Variants in SPRY3 observed in about 807,000 individuals in gnomAD.
The protein encoded by SPRY3 is protein sprouty homolog 3.
Under a neutral mutation model 20.2 loss-of-function variants are expected in SPRY3, and 15 were observed. That is an observed-to-expected ratio of 0.74 (90% confidence interval 0.50 to 1.14). SPRY3 has a LOEUF of 1.14. Among genes scored for constraint, SPRY3 ranks in the 50% most tolerant of loss-of-function variants. The pLI is 0.00. For synonymous variants in SPRY3, 143 were observed against 136.5 expected (o/e 1.05, Z -0.33); for missense variants, 364 against 363.9 (o/e 1.00, Z 0.00).
At chrX:155,756,207 C>G (rs1049780081) in intron 2 of SPRY3, among the ~76,000 whole-genome samples, 1 of 152,064 alleles carries the variant, frequency 6.6e-6, no homozygotes, top group Non-Finnish European at 1.5e-5. Flanking sequence ...ATATCAGCTA[C>G]CTCAGAGTTT....
At chrX:155,704,160 C>A in intron 2 of SPRY3, among the ~76,000 whole-genome samples, 1 of 151,638 alleles carries the variant, frequency 6.6e-6, no homozygotes, top group East Asian at 1.9e-4. Flanking sequence ...CCCAAAGATA[C>A]AAGAAATATT....
intron 2 of SPRY3, among the ~76,000 whole-genome samples, chrX:155,745,114 T>C (rs1181513807): frequency 2.6e-5 from 4 of 152,018 alleles, no homozygotes; most frequent in Non-Finnish European, 5.9e-5. Flanking sequence ...GTCTCAGGAA[T>C]TGCTCTAGAG....
intron 2 of SPRY3, among the ~76,000 whole-genome samples, chrX:155,723,474 T>C (rs930282964): frequency 1.3e-5 from 2 of 152,202 alleles, no homozygotes; most frequent in Non-Finnish European, 2.9e-5. Flanking sequence ...TGTTCGCCAT[T>C]CTAACTGGCG....
intron 2 of SPRY3, among the ~76,000 whole-genome samples, chrX:155,671,146 G>A (rs1245628553): frequency 8.9e-6 from 1 of 112,096 alleles, no homozygotes; most frequent in Non-Finnish European, 1.9e-5. Flanking sequence ...GAGATGATGA[G>A]TAAGTTGGGG....
intron 2 of SPRY3, among the ~76,000 whole-genome samples, chrX:155,754,313 A>C (rs2091275421): frequency 6.6e-6 from 1 of 152,008 alleles, no homozygotes; most frequent in Non-Finnish European, 1.5e-5. Flanking sequence ...GCATGTGGCT[A>C]TTCAGTTGTT....
intron 2 of SPRY3, among the ~76,000 whole-genome samples, chrX:155,748,763 TTC>T (rs1364452603): frequency 2.0e-5 from 3 of 151,982 alleles, no homozygotes; most frequent in Non-Finnish European, 1.5e-5. Context: ...ATACTGGCTT[TTC>T]TCTCTTTCCA....
intron 1 of SPRY3, among the ~76,000 whole-genome samples, chrX:155,635,963 A>T (rs1384214986): frequency 8.9e-6 from 1 of 111,936 alleles, no homozygotes; most frequent in East Asian, 2.8e-4. Context: ...TTGGGAGAAA[A>T]CACTTAAATT....
At chrX:155,754,650 G>C (rs890181381) in intron 2 of SPRY3, among the ~76,000 whole-genome samples, 6 of 151,918 alleles carry the variant, frequency 3.9e-5, no homozygotes, top group Admixed American at 1.3e-4. Context: ...GACTTTGATA[G>C]GGATTATGTT....
At chrX:155,730,164 G>A (rs2091123871) in intron 2 of SPRY3, among the ~76,000 whole-genome samples, 1 of 152,106 alleles carries the variant, frequency 6.6e-6, no homozygotes, top group Non-Finnish European at 1.5e-5. Flanking sequence ...CAAAGGAGAA[G>A]GGAATAATTC....
chrX:155,721,829 G>C (rs1416858501), intron 2 of SPRY3, among the ~76,000 whole-genome samples: 2 of 152,132 alleles, frequency 1.3e-5, no homozygotes, highest in African/African-American at 2.4e-5. Context: ...CAATCATAAA[G>C]AGAAGGATGT....
intron 1 of SPRY3, among the ~76,000 whole-genome samples, chrX:155,646,526 C>CT (rs1269435969): frequency 5.4e-5 from 6 of 111,019 alleles, no homozygotes; most frequent in African/African-American, 1.3e-4. Context: ...TCCCTAAGTA[C>CT]TTTTTTTTCT....
chrX:155,748,309 C>G (rs1276676208), intron 2 of SPRY3, among the ~76,000 whole-genome samples: 1 of 151,830 alleles, frequency 6.6e-6, no homozygotes, highest in African/African-American at 2.4e-5. Context: ...ATGATGAAAT[C>G]TTGGCTAATC....
At chrX:155,722,751 T>C (rs1286026015) in intron 2 of SPRY3, among the ~76,000 whole-genome samples, 2 of 152,072 alleles carry the variant, frequency 1.3e-5, no homozygotes, top group African/African-American at 2.4e-5. Context: ...ATAAAAAAAG[T>C]AATATCCTTT....
intron 2 of SPRY3, among the ~76,000 whole-genome samples, chrX:155,747,193 G>A (rs2091231801): frequency 6.6e-6 from 1 of 151,890 alleles, no homozygotes; most frequent in African/African-American, 2.4e-5. Flanking sequence ...TGCTTTGGAA[G>A]GGGCCCTAGA....
At chrX:155,690,301 T>G (rs2068099423) in intron 2 of SPRY3, among the ~76,000 whole-genome samples, 1 of 88,775 alleles carries the variant, frequency 1.1e-5, no homozygotes, top group South Asian at 4.6e-4. Flanking sequence ...CTATTGCTTT[T>G]GGGTAGAGAG....
At position 155,614,763 on chromosome X, in the gene SPRY3, G is replaced by C. The variant is rs188599117; in HGVS notation, c.-441+2116G>C. Among the ~76,000 whole-genome samples the C allele has an allele frequency of 5.0e-3, 551 of 110,183 alleles. 1 individual carries two copies. The highest frequency in any genetic ancestry group is 8.0e-3 in the Non-Finnish European group (418 of 52,561). ...AGATATTTTACTGTTTCCTCTCTCT[G>C]TGTGTGTGTGTGTAGCAGGTCACAT... On this transcript the variant is annotated intron_variant, in intron 1 of 3. Transcript: ENST00000675360.
intron 2 of SPRY3, among the ~76,000 whole-genome samples, chrX:155,759,105 G>C (rs1260727681): frequency 6.7e-6 from 1 of 149,838 alleles, no homozygotes; most frequent in African/African-American, 2.5e-5. Context: ...CTGTTGCCCA[G>C]GCTGGAGTGC....
chrX:155,726,342 G>A (rs1465147350), intron 2 of SPRY3, among the ~76,000 whole-genome samples: 2 of 152,104 alleles, frequency 1.3e-5, no homozygotes, highest in Non-Finnish European at 2.9e-5. Flanking sequence ...CATCTACTTG[G>A]TGCAGAGCTG....
intron 2 of SPRY3, among the ~76,000 whole-genome samples, chrX:155,700,641 TCTAAG>T (rs1390572201): frequency 3.3e-4 from 26 of 78,778 alleles, no homozygotes; most frequent in African/African-American, 1.1e-3. Flanking sequence ...TTTATTATAC[TCTAAG>T]TTTTAGGGTA....
Sources: gnomAD v4.1 joint callset for allele counts (sites outside exome capture counted in the v4.1 genomes callset) on GRCh38, gnomAD v4.1.1 for gene constraint, MANE v1.5 for transcripts, NCBI Gene and HGNC (gene_info 2026-07-23, HGNC 2026-07-21) for gene names.